The following ARHGAP45 variants were observed in gnomAD, a reference collection of about 807,000 sequenced individuals.
The protein encoded by ARHGAP45 is Rho GTPase activating protein 45, also known as rho GTPase-activating protein 45.
ARHGAP45 carries 56 observed loss-of-function variants against 116.1 expected under a neutral mutation model. The ratio of observed to expected loss-of-function variants is 0.48; its 90% CI spans 0.39 to 0.60. The LOEUF (loss-of-function observed/expected upper bound fraction) is 0.60. Among genes scored for constraint, ARHGAP45 ranks in the 20% least tolerant of loss-of-function variants. The pLI is 0.00. For missense variants in ARHGAP45, 1,622 were observed against 1,601.0 expected, an observed-to-expected ratio of 1.01 and a Z score of -0.22; for synonymous variants, 866 against 701.7, an observed-to-expected ratio of 1.23 and a Z score of -3.70.
chr19:1,066,039 A>G (rs963044910), upstream of ARHGAP45: 2 of 1,535,486 alleles, frequency 1.3e-6, no homozygotes, highest in African/African-American at 2.7e-5. Flanking sequence ...AGTCGGGGGC[A>G]AAGAGTTCTC....
chr19:1,085,551 C>G (rs941247876), intron 22 of ARHGAP45, 109 bp from the exon 23 acceptor site: 6 of 543,066 alleles, frequency 1.1e-5, no homozygotes, highest in South Asian at 4.3e-5. Flanking sequence ...GTCTCTCCAT[C>G]TCTCTCCCCC....
At chr19:1,084,740 G>C (rs1377554535) in intron 22 of ARHGAP45, among the ~76,000 whole-genome samples, 1 of 152,172 alleles carries the variant, frequency 6.6e-6, no homozygotes, top group Non-Finnish European at 1.5e-5. Flanking sequence ...CTGGCCGAGT[G>C]CCGCATCTAG....
At chr19:1,077,799 G>T (rs1421471322) in intron 10 of ARHGAP45, 58 bp from the exon 11 acceptor site, 2 of 1,550,378 alleles carry the variant, frequency 1.3e-6, no homozygotes, top group Non-Finnish European at 1.7e-6. Context: ...GAGCTGGGGA[G>T]ACTGAGTCCC....
Position 1,082,979 on chromosome 19 carries a change from C to T in ARHGAP45, c.2657C>T (p.Ala886Val), listed in dbSNP as rs2043487356. Residue 886 changes from alanine (A) to valine (V), a missense_variant, in exon 20 of 23, where the codon GCC becomes GTC. By Grantham distance (64) the Ala-to-Val change is moderately conservative. Transcript: ENST00000313093. ...DGSESEAVAV[A>V]LAGRLRELLR... ...TCGGAGAGCGAGGCAGTGGCGGTGGCCCTGGCAGGTCGGCTGCGGGAGCTC... is the reference window on the plus strand; with the variant it reads ...TCGGAGAGCGAGGCAGTGGCGGTGGTCCTGGCAGGTCGGCTGCGGGAGCTC... The T allele has an allele frequency of 6.4e-7, 1 of 1,555,842 alleles. No homozygotes were observed.
At chr19:1,078,464 G>C (rs2043331121) in intron 11 of ARHGAP45, among the ~76,000 whole-genome samples, 1 of 142,644 alleles carries the variant, frequency 7.0e-6, no homozygotes, top group Non-Finnish European at 1.5e-5. Context: ...TGGAGACAGA[G>C]TCTCATTCTG....
chr19:1,073,484 T>C (rs1346062331), intron 3 of ARHGAP45, 22 bp from the exon 4 acceptor site: 3 of 1,611,726 alleles, frequency 1.9e-6, no homozygotes, highest in Non-Finnish European at 2.5e-6. Flanking sequence ...CCCACCTCCT[T>C]GTCCTTATCT....
Position 1,073,615 on chromosome 19 carries a change from G to C in ARHGAP45, c.650+25G>C, listed in dbSNP as rs534361382. Reference sequence around the variant, plus strand: ...CGTGAGCACGGGAGCCTGTGGGGCAGGGCAAGGGAGCGTGGGGGGCCCGGG... The same window carrying C: ...CGTGAGCACGGGAGCCTGTGGGGCACGGCAAGGGAGCGTGGGGGGCCCGGG... On this transcript the variant is annotated intron_variant, in intron 4 of 22. Coordinates refer to ENST00000313093, the MANE Select transcript of ARHGAP45 (RefSeq NM_012292.5). The C allele has an allele frequency of 2.5e-6, 4 of 1,613,314 alleles. No individual in the cohort carries two copies. In the African/African-American group the frequency reaches 5.3e-5, roughly 21 times the overall value.
chr19:1,070,289 G>A (rs2043115081), intron 2 of ARHGAP45, among the ~76,000 whole-genome samples: 1 of 148,560 alleles, frequency 6.7e-6, no homozygotes, highest in South Asian at 2.1e-4. Flanking sequence ...GAGCCACCGT[G>A]CCCGGGCTTT....
Position 1,068,806 on chromosome 19 carries a change from G to A in ARHGAP45, c.421+62G>A, listed in dbSNP as rs2043087303. On this transcript the variant is annotated intron_variant, in intron 2 of 22. Transcript: ENST00000313093. This position sits in a 1 kb window ranked among gnomAD's most constrained non-coding sequence, Gnocchi z 7.5. ...ACAGAGCCAGACCCAAGGGAGGATG[G>A]AGGGAGGGACTTGGGGAGGCTCAGA... 9 of 1,516,626 alleles carry A rather than the reference G, an allele frequency of 5.9e-6. No individual in the cohort carries two copies. The highest frequency in any genetic ancestry group is 7.3e-6 in the Non-Finnish European group (8 of 1,101,240). 93.9% of individuals were successfully genotyped at this position (1,516,626 alleles called of 1,614,324 possible). A position where few individuals can be genotyped will look rare whatever the true frequency, so the allele number is the denominator to read the frequency against.
Position 1,083,030 on chromosome 19 carries a change from G to T in ARHGAP45, c.2708G>T (p.Arg903Leu). ...CTGCGGGACCTGCCGCCTGAGAACC[G>T]GGCCTCGCTGCAGTACCTGCTGCGT... is the stretch of plus-strand genomic sequence containing the variant. ...ELLRDLPPEN[R>L]ASLQYLLRHL... Residue 903 changes from arginine (R) to leucine (L), a missense_variant, in exon 20 of 23, where the codon CGG (arginine) becomes CTG (leucine). Arg to Leu is a moderately radical substitution (Grantham distance 102). Around this residue, in one of 3 missense-constraint regions of ARHGAP45, gnomAD observed 1,334 missense variants for 1,263.8 expected, o/e 1.06. Coordinates refer to ENST00000313093, the MANE Select transcript of ARHGAP45 (RefSeq NM_012292.5). 6.5e-7 allele frequency: 1 copy of T among 1,544,608 alleles called. No homozygotes were observed. The highest frequency in any genetic ancestry group is 8.7e-7 in the Non-Finnish European group (1 of 1,149,984).
chr19:1,085,811 C>G lies in ARHGAP45; in HGVS notation c.3216C>G (p.Ser1072Arg). ...ASLEVASGSH[S>R]GSEEQLEATA... The stretch of plus-strand genomic sequence containing the variant: ...TAGAGGTGGCTTCTGGCAGCCACAG[C>G]GGCAGTGAGGAGCAGCTGGAGGCCA... The change falls in exon 23 of 23, where the codon AGC (serine) becomes AGG (arginine). Residue 1072 changes from serine (S) to arginine (R), a missense_variant. By Grantham distance (110) the Ser-to-Arg change is moderately radical (BLOSUM62 -1). Transcript: ENST00000313093. The G allele has an allele frequency of 6.2e-7, 1 of 1,612,748 alleles. No homozygotes were observed.
In ARHGAP45 at chr19:1,074,282, G is replaced by T. The variant is rs2043195001; in HGVS notation, c.928+41G>T. The T allele has an allele frequency of 1.9e-6, 3 of 1,611,844 alleles. No homozygotes were observed. In the African/African-American group the frequency reaches 4.0e-5, roughly 22 times the overall value. ...CCAGCAGGGTGGGTCTGGAGGGAGG[G>T]GGTTCTGGGTGAGCTGGGAAGGCCT... On this transcript the variant is annotated intron_variant, in intron 7 of 22. Coordinates refer to ENST00000313093, the MANE Select transcript of ARHGAP45 (RefSeq NM_012292.5).
At position 1,078,061 on chromosome 19, in the gene ARHGAP45, G is replaced by A. The variant is rs1184242353; in HGVS notation, c.1374+16G>A. On this transcript the variant is annotated intron_variant, in intron 11 of 22. Transcript: ENST00000313093. ...CAAGAACAAGGTGAGGGCGGGTGGA[G>A]GCAGGGCTGGAGGTCCCTGGAGGAG... The A allele has an allele frequency of 6.5e-6, 10 of 1,543,144 alleles. No homozygotes were observed. In the East Asian group the frequency reaches 1.7e-4, roughly 26 times the overall value.
Position 1,074,092 on chromosome 19 carries a change from C to G in ARHGAP45, c.791-12C>G, listed in dbSNP as rs561473019. Reference sequence around the variant, plus strand: ...GGTCGGGCCAGGCTGAGCAGGCCCCCGTTCCCTGCAGGCTGCCTGCCCGCC... The same window carrying G: ...GGTCGGGCCAGGCTGAGCAGGCCCCGGTTCCCTGCAGGCTGCCTGCCCGCC... On this transcript the variant is annotated splice_polypyrimidine_tract_variant and intron_variant, in intron 6 of 22. Coordinates refer to ENST00000313093, the MANE Select transcript of ARHGAP45 (RefSeq NM_012292.5). 1.2e-5 allele frequency: 20 copies of G among 1,610,406 alleles called. No homozygotes were observed. Among genetic ancestry groups the G allele is most frequent in the Non-Finnish European group, 1.4e-5 (17 of 1,178,542 alleles).
chr19:1,073,328 G>A (rs747234388), intron 3 of ARHGAP45, 36 bp downstream of exon 3: 1 of 1,607,014 alleles, frequency 6.2e-7, no homozygotes, highest in South Asian at 1.1e-5. Context: ...AGGGCTCTCT[G>A]CCTAGAAGGG....
At position 1,086,045 on chromosome 19, in the gene ARHGAP45, G is replaced by T. The variant is rs565703478; in HGVS notation, c.*39G>T. 2.0e-6 allele frequency: 3 copies of T among 1,527,434 alleles called. No homozygotes were observed. In the East Asian group the frequency reaches 6.8e-5, roughly 34 times the overall value. The allele number at this position is 1,527,434 out of a possible 1,614,324, so 94.6% of individuals were successfully genotyped here. On this transcript the variant is annotated 3_prime_UTR_variant, in exon 23 of 23. Transcript: ENST00000313093. The stretch of plus-strand genomic sequence containing the variant: ...TGGGACCACAGGTGGCTTCTCTCTT[G>T]CCTGCTCCTGTCCCTCCAGCACGTC...
intron 13 of ARHGAP45, 36 bp downstream of exon 13, chr19:1,080,154 A>C: frequency 6.2e-7 from 1 of 1,610,550 alleles, no homozygotes; most frequent in Non-Finnish European, 8.5e-7. Flanking sequence ...CCGGCGCACA[A>C]GGCCCTGCCT....
At position 1,085,880 on chromosome 19, in the gene ARHGAP45, G is replaced by C; in HGVS notation, c.3285G>C (p.Gln1095His). 1.2e-6 allele frequency: 2 copies of C among 1,612,364 alleles called. No individual in the cohort carries two copies. The highest frequency in any genetic ancestry group is 1.7e-6 in the Non-Finnish European group (2 of 1,179,944). Reference sequence around the variant, plus strand: ...ACGGGGACGAGGACGGCCCGGCCCAGCAGCTCTCAGGATTCAACACCAACC... The same window carrying C: ...ACGGGGACGAGGACGGCCCGGCCCACCAGCTCTCAGGATTCAACACCAACC... ...DGDGDEDGPA[Q>H]QLSGFNTNQS... Residue 1095 changes from glutamine to histidine, a missense_variant, in exon 23 of 23, where the codon CAG becomes CAC. Gln to His is a conservative substitution (Grantham distance 24). Coordinates refer to ENST00000313093, the MANE Select transcript of ARHGAP45 (RefSeq NM_012292.5).
At chr19:1,078,648 A>G (rs1025480952) in intron 11 of ARHGAP45, among the ~76,000 whole-genome samples, 1 of 148,788 alleles carries the variant, frequency 6.7e-6, no homozygotes, top group Non-Finnish European at 1.5e-5. Context: ...TGACCTCATG[A>G]TCCACCCACT....
Sources: gnomAD v4.1 joint callset for allele counts (sites outside exome capture counted in the v4.1 genomes callset) on GRCh38, gnomAD v4.1.1 for gene constraint, gnomAD v4.1.1 regional missense constraint, Gnocchi (gnomAD v3.1) non-coding constraint, MANE v1.5 for transcripts, NCBI Gene and HGNC (gene_info 2026-07-23, HGNC 2026-07-21) for gene names.